The following CERS5 variants were observed in gnomAD, a reference collection of about 807,000 sequenced individuals.
The protein encoded by CERS5 is LAG1 homolog, ceramide synthase 5.
CERS5 carries 37 observed loss-of-function variants against 58.9 expected under a neutral mutation model. That is an observed-to-expected ratio of 0.63 (90% CI 0.48 to 0.83). The LOEUF (loss-of-function observed/expected upper bound fraction) is 0.83, where lower values mean the gene tolerates loss of function less well. Among genes scored for constraint, CERS5 ranks in the 40% least tolerant of loss-of-function variants. CERS5 has a pLI of 0.00. For synonymous variants in CERS5, 147 were observed against 177.8 expected (o/e 0.83, Z 1.38); for missense variants, 398 against 489.3 (o/e 0.81, Z 1.76).
Position 50,135,831 on chromosome 12 carries a change from T to G in CERS5, c.773A>C (p.Lys258Thr), listed in dbSNP as rs1171374333. The G allele has an allele frequency of 6.2e-7, 1 of 1,613,408 alleles. No individual in the cohort carries two copies. Residue 258 changes from lysine (K) to threonine (T), a missense_variant, in exon 8 of 10, where the codon AAA becomes ACA. Transcript: ENST00000317551. The stretch of plus-strand genomic sequence containing the variant: ...CTGATACTTGGCATAATTGGCCAGT[T>G]TGGCTGCCTGGAGAAAGGAAGAAAG... Reference protein sequence around the residue: ...DVSDFLLEAAKLANYAKYQRL... With the variant: ...DVSDFLLEAATLANYAKYQRL...
chr12:50,149,357 A>T (rs1937684996), intron 1 of CERS5, among the ~76,000 whole-genome samples: 1 of 152,178 alleles, frequency 6.6e-6, no homozygotes, highest in African/African-American at 2.4e-5. Context: ...TGACAGTATT[A>T]GATTTGTCCT....
chr12:50,158,177 G>A (rs1413688674), intron 1 of CERS5, among the ~76,000 whole-genome samples: 1 of 152,134 alleles, frequency 6.6e-6, no homozygotes, highest in South Asian at 2.1e-4. Flanking sequence ...TCTACTGAGA[G>A]GACACTAAAG....
chr12:50,162,184 CTTTTTTTTTT>C (rs75460499), intron 1 of CERS5, among the ~76,000 whole-genome samples: 90 of 129,320 alleles, frequency 7.0e-4, no homozygotes, highest in Middle Eastern at 5.3e-3. Context: ...CTGATTTGTT[CTTTTTTTTTT>C]TTTTTTTTTT....
chr12:50,149,175 T>C (rs1032750984), intron 1 of CERS5, among the ~76,000 whole-genome samples: 3 of 152,030 alleles, frequency 2.0e-5, no homozygotes, highest in African/African-American at 7.2e-5. Context: ...CAAATTATAC[T>C]TTTAGTGTGG....
intron 8 of CERS5, 50 bp from the exon 9 acceptor site, chr12:50,134,752 C>T (rs1006961811): frequency 1.3e-6 from 2 of 1,553,570 alleles, no homozygotes; most frequent in African/African-American, 1.4e-5. Context: ...GCTCAGCAGA[C>T]AGGGATGAAG....
intron 8 of CERS5, among the ~76,000 whole-genome samples, chr12:50,135,140 AGAGAGAGGAGGGAGG>A (rs1951573196): frequency 9.2e-5 from 8 of 86,524 alleles, no homozygotes; most frequent in East Asian, 3.6e-4. Context: ...AGGGAGGGAG[AGAGAGAGGAGGGAGG>A]GAGAGAGAGG....
Position 50,135,311 on chromosome 12 carries a change from GTGTGTGTGTGT to G in CERS5, c.872+410_872+420del, listed in dbSNP as rs1951627809. ...GAGGGAGGAAGAGAGAGAGAGGAGT[GTGTGTGTGTGT>G]GTGTGTGTGTGTGTGTGTGTGTGTG... On this transcript the variant is annotated intron_variant, in intron 8 of 9. Transcript: ENST00000317551. The G allele has an allele frequency of 9.0e-4, 23 of 25,574 alleles. No homozygotes were observed. The East Asian group carries it at 0.037, about 42-fold the overall frequency. 1.6% of individuals were successfully genotyped at this position (25,574 alleles called of 1,614,324 possible).
At chr12:50,132,117 G>A (rs1188577565) in intron 9 of CERS5, among the ~76,000 whole-genome samples, 1 of 145,392 alleles carries the variant, frequency 6.9e-6, no homozygotes. Context: ...AAAAAAAAAA[G>A]GGCCGAGCAT....
At chr12:50,133,043 T>TAATC (rs1565764042) in intron 9 of CERS5, 2 of 1,289,020 alleles carry the variant, frequency 1.6e-6, no homozygotes, top group Non-Finnish European at 2.0e-6. Context: ...GTACAGGGTC[T>TAATC]AATCCTTCCT....
At chr12:50,161,871 T>TC (rs1406697927) in intron 1 of CERS5, among the ~76,000 whole-genome samples, 9 of 60,146 alleles carry the variant, frequency 1.5e-4, no homozygotes, top group African/African-American at 6.0e-4. Context: ...TTCTTCTTCT[T>TC]TTTTTTTTTT....
intron 1 of CERS5, chr12:50,166,382 T>A (rs1440744398): frequency 6.2e-6 from 1 of 161,508 alleles, no homozygotes; most frequent in Non-Finnish European, 1.3e-5. Context: ...AGCTGTCCTC[T>A]GATAAAGCCC....
chr12:50,154,395 G>C (rs1938344994), intron 1 of CERS5: 1 of 159,512 alleles, frequency 6.3e-6, no homozygotes, highest in Admixed American at 6.5e-5. Context: ...TTTTGGTGTA[G>C]TATCAAAGAT....
chr12:50,144,092 T>A (rs756147111), intron 1 of CERS5, 35 bp from the exon 2 acceptor site: 12 of 1,256,254 alleles, frequency 9.6e-6, no homozygotes, highest in African/African-American at 1.5e-5. Context: ...CAATTCTTTT[T>A]AAAAAAATTT....
intron 9 of CERS5, chr12:50,133,351 A>T (rs373156516): frequency 1.5e-5 from 16 of 1,055,158 alleles, no homozygotes; most frequent in Non-Finnish European, 1.7e-5. Context: ...GTTTATCATT[A>T]AGTGGCACCT....
chr12:50,163,468 G>C (rs1359832140), intron 1 of CERS5, among the ~76,000 whole-genome samples: 1 of 152,098 alleles, frequency 6.6e-6, no homozygotes, highest in African/African-American at 2.4e-5. Context: ...AAAGTGCTGG[G>C]ATTACAGGTG....
intron 1 of CERS5, among the ~76,000 whole-genome samples, chr12:50,148,925 AAAAT>A (rs1375145788): frequency 8.8e-5 from 5 of 57,108 alleles, no homozygotes; most frequent in South Asian, 1.6e-3. Flanking sequence ...AAAAAAAAAA[AAAAT>A]ATATATATAT....
intron 1 of CERS5, among the ~76,000 whole-genome samples, chr12:50,145,341 A>T (rs1012953032): frequency 6.6e-6 from 1 of 152,028 alleles, no homozygotes; most frequent in Admixed American, 6.6e-5. Context: ...GTAATCAGAG[A>T]TTTTTAAGAA....
chr12:50,140,227 C>T (rs1951892020), intron 4 of CERS5, among the ~76,000 whole-genome samples: 1 of 145,192 alleles, frequency 6.9e-6, no homozygotes, highest in Non-Finnish European at 1.5e-5. Context: ...ATATTTTCTT[C>T]TCTTGTGATT....
intron 7 of CERS5, 34 bp downstream of exon 7, chr12:50,135,907 G>A (rs1165948200): frequency 6.3e-7 from 1 of 1,576,394 alleles, no homozygotes; most frequent in East Asian, 2.2e-5. Context: ...AAGAAGAGAA[G>A]AAGAAGATGG....
Sources: gnomAD v4.1 joint callset for allele counts (sites outside exome capture counted in the v4.1 genomes callset) on GRCh38, gnomAD v4.1.1 for gene constraint, MANE v1.5 for transcripts, NCBI Gene and HGNC (gene_info 2026-07-23, HGNC 2026-07-21) for gene names.